RNF6: variants seen among roughly 807,000 people sequenced by gnomAD.
RNF6 encodes the protein ring finger protein 6, also known as E3 ubiquitin-protein ligase RNF6.
RNF6 carries 21 observed loss-of-function variants against 50.1 expected under a neutral mutation model. The observed-to-expected ratio is 0.42, with a 90% CI of 0.30 to 0.60. The LOEUF is 0.60. Among genes scored for constraint, RNF6 ranks in the 20% least tolerant of loss-of-function variants. RNF6 has a pLI of 0.20. For missense variants in RNF6, 698 were observed against 838.2 expected, an observed-to-expected ratio of 0.83 and a Z score of 2.07; for synonymous variants, 255 against 291.8, an observed-to-expected ratio of 0.87 and a Z score of 1.29.
At position 26,147,893 on chromosome 13, in the gene RNF6, G is replaced by A. The variant is rs578156174; in HGVS notation, n.769-15442C>T. Among the ~76,000 whole-genome samples the A allele has an allele frequency of 3.8e-4, 58 of 152,194 alleles. 1 individual carries two copies. The Middle Eastern group carries it at 0.01, about 27-fold the overall frequency. On this transcript the variant is annotated intron_variant and non_coding_transcript_variant, in intron 5 of 5. Coordinates refer to the RNF6 transcript ENST00000468480. ...TTCCCTTCTTTCTCCACTTTGTCCCGTGACATTAGGACAACATGTCAACCT... is the reference window on the plus strand; with the variant it reads ...TTCCCTTCTTTCTCCACTTTGTCCCATGACATTAGGACAACATGTCAACCT...
At chr13:26,147,435 G>A (rs948284076) in intron 5 of RNF6, among the ~76,000 whole-genome samples, 1 of 152,186 alleles carries the variant, frequency 6.6e-6, no homozygotes, top group Non-Finnish European at 1.5e-5. Context: ...AGGTGGGAAG[G>A]CAGATACCAC....
At chr13:26,212,661 T>G (rs973172556), downstream of RNF6, 2 of 151,516 alleles carry the variant, frequency 1.3e-5, no homozygotes, top group African/African-American at 4.9e-5. Flanking sequence ...GACTTTTGTC[T>G]GTCGTCTGGG....
chr13:26,219,526 G>C lies in RNF6; in HGVS notation c.124C>G (p.Gln42Glu). ...ERLHREEAYY[Q>E]FINELNDEDY... ...TCATCATTGAGTTCATTAATAAACT[G>C]ATAATAGGCCTCTTCTCTGTGGAGA... The change falls in exon 3 of 5, where the codon CAG becomes GAG. Residue 42 changes from glutamine to glutamate, a missense_variant. Transcript: ENST00000381588. The C allele has an allele frequency of 4.3e-6, 7 of 1,613,754 alleles. No homozygotes were observed. Among genetic ancestry groups the C allele is most frequent in the Non-Finnish European group, 5.9e-6 (7 of 1,179,884 alleles).
chr13:26,181,791 G>A (rs1873256006), intron 5 of RNF6, among the ~76,000 whole-genome samples: 2 of 152,194 alleles, frequency 1.3e-5, no homozygotes, highest in Admixed American at 6.5e-5. Flanking sequence ...GATGCTACAG[G>A]TTCTTAATTA....
chr13:26,167,422 A>T (rs1183757151), intron 5 of RNF6, among the ~76,000 whole-genome samples: 1 of 152,242 alleles, frequency 6.6e-6, no homozygotes, highest in Non-Finnish European at 1.5e-5. Flanking sequence ...AAAAGAGGGC[A>T]TACATGTGGC....
chr13:26,148,991 T>C (rs1357235032), intron 5 of RNF6, among the ~76,000 whole-genome samples: 3 of 151,942 alleles, frequency 2.0e-5, no homozygotes, highest in African/African-American at 7.3e-5. Context: ...CTGTAATTGA[T>C]TGGATAAAAT....
rs561200352 is a variant in RNF6 at position 26,155,367 on chromosome 13, T to A, written n.769-22916A>T. Among the ~76,000 whole-genome samples, 587 of 152,268 alleles carry A rather than the reference T, an allele frequency of 3.9e-3. 5 individuals carry two copies. Among genetic ancestry groups the A allele is most frequent in the African/African-American group, 0.013 (559 of 41,558 alleles). ...CCCCATGGTATGTTTCTTTTTTTTT[T>A]TTAATTCTACTTTGTGTAACAAGTT... On this transcript the variant is annotated intron_variant and non_coding_transcript_variant, in intron 5 of 5. Transcript: ENST00000468480.
chr13:26,222,825 GT>G (rs1566448509), upstream of RNF6, among the ~76,000 whole-genome samples: 1 of 152,052 alleles, frequency 6.6e-6, no homozygotes, highest in Non-Finnish European at 1.5e-5. Flanking sequence ...GTCTCGCTAT[GT>G]TGCCCAGGCT....
At chr13:26,172,990 T>C (rs1872775233) in intron 5 of RNF6, among the ~76,000 whole-genome samples, 1 of 151,918 alleles carries the variant, frequency 6.6e-6, no homozygotes, top group South Asian at 2.1e-4. Context: ...AATGGGTAAT[T>C]TAGAGAAGGA....
intron 5 of RNF6, among the ~76,000 whole-genome samples, chr13:26,146,804 C>T (rs902254478): frequency 3.3e-5 from 5 of 152,138 alleles, no homozygotes; most frequent in Admixed American, 6.6e-5. Flanking sequence ...GCTCTGTGCC[C>T]ACACCCAAAT....
rs778215103 is a variant in RNF6, at chr13:26,213,969, T to C, written c.1913A>G (p.Asp638Gly). ...CCTGAGCTTGTTTCCAGTTACATAG[T>C]CACTAATACAAACACTACAGATTTT... is the stretch of plus-strand genomic sequence containing the variant. Reference protein sequence around the residue: ...LGKICSVCISDYVTGNKLRQL... With the variant: ...LGKICSVCISGYVTGNKLRQL... Residue 638 changes from aspartate (D) to glycine (G), a missense_variant, in exon 5 of 5, where the codon GAC becomes GGC. Asp to Gly is a moderately conservative substitution (Grantham distance 94). Coordinates refer to ENST00000381588, the MANE Select transcript of RNF6 (RefSeq NM_005977.4). 2 of 1,614,222 alleles carry C rather than the reference T, an allele frequency of 1.2e-6. No homozygotes were observed. Among genetic ancestry groups the C allele is most frequent in the South Asian group, 2.2e-5 (2 of 91,090 alleles).
chr13:26,144,182 C>T (rs1416664100), intron 5 of RNF6, among the ~76,000 whole-genome samples: 1 of 152,100 alleles, frequency 6.6e-6, no homozygotes, highest in African/African-American at 2.4e-5. Flanking sequence ...GTGGAAGTCC[C>T]TGTTGCTGAA....
intron 5 of RNF6, among the ~76,000 whole-genome samples, chr13:26,140,932 A>C (rs1870909574): frequency 6.6e-6 from 1 of 152,194 alleles, no homozygotes; most frequent in South Asian, 2.1e-4. Context: ...GAGGTGAAAG[A>C]TCTCTACAAG....
intron 5 of RNF6, among the ~76,000 whole-genome samples, chr13:26,149,503 C>T (rs561558296): frequency 2.6e-5 from 4 of 151,866 alleles, no homozygotes; most frequent in Admixed American, 2.0e-4. Context: ...AGGAGAATAG[C>T]GTGAACCCGG....
chr13:26,222,795 T>C (rs566388957), upstream of RNF6: 7 of 152,560 alleles, frequency 4.6e-5, no homozygotes, highest in African/African-American at 1.7e-4. Flanking sequence ...TTTCACATTT[T>C]TTCTTTTGTA....
At chr13:26,200,405 CTTTTTT>C (rs3030059) in intron 5 of RNF6, among the ~76,000 whole-genome samples, 45 of 107,328 alleles carry the variant, frequency 4.2e-4, no homozygotes, top group Admixed American at 4.9e-4. Flanking sequence ...GTTTGAAATT[CTTTTTT>C]TTTTTTTTTT....
intron 5 of RNF6, among the ~76,000 whole-genome samples, chr13:26,186,450 C>T (rs889565586): frequency 1.3e-5 from 2 of 152,246 alleles, no homozygotes; most frequent in Admixed American, 6.5e-5. Context: ...GTCTGCGTGG[C>T]ACGTGGGCCC....
chr13:26,155,353 G>GT (rs1349128615), intron 5 of RNF6, among the ~76,000 whole-genome samples: 2 of 151,472 alleles, frequency 1.3e-5, no homozygotes, highest in Non-Finnish European at 2.9e-5. Flanking sequence ...CCCATGGTAT[G>GT]TTTCTTTTTT....
intron 5 of RNF6, among the ~76,000 whole-genome samples, chr13:26,168,976 C>T (rs1198259281): frequency 2.0e-5 from 3 of 152,170 alleles, no homozygotes; most frequent in African/African-American, 7.2e-5. Context: ...GCACTCCAGA[C>T]TGGGTGATAG....
Sources: gnomAD v4.1 joint callset for allele counts (sites outside exome capture counted in the v4.1 genomes callset) on GRCh38, gnomAD v4.1.1 for gene constraint, MANE v1.5 for transcripts, NCBI Gene and HGNC (gene_info 2026-07-23, HGNC 2026-07-21) for gene names.